Variants in TGM4 observed in about 807,000 individuals in gnomAD.
TGM4 encodes protein-glutamine gamma-glutamyltransferase 4.
A neutral mutation model predicts 76.3 loss-of-function variants in TGM4; 61 were observed. The observed-to-expected ratio is 0.80, with a 90% confidence interval of 0.65 to 0.99. The LOEUF (loss-of-function observed/expected upper bound fraction) is 0.99. Among genes scored for constraint, TGM4 ranks in the 50% least tolerant of loss-of-function variants. The pLI is 0.00. For missense variants in TGM4, 794 were observed against 843.2 expected (o/e 0.94, Z 0.72); for synonymous variants, 337 against 329.8 (o/e 1.02, Z -0.24).
At chr3:44,899,696 C>T (rs959387154) in intron 6 of TGM4, 1 of 152,272 alleles carries the variant, frequency 6.6e-6, no homozygotes, top group Admixed American at 6.5e-5. Flanking sequence ...TACCCCAAGA[C>T]ACTGTGGCTG....
At position 44,910,184 on chromosome 3, in the gene TGM4, CAT is replaced by C; in HGVS notation, c.1423_1424del (p.Met475ValfsTer6). 1 of 1,614,208 alleles carries C rather than the reference CAT, an allele frequency of 6.2e-7. No individual in the cohort carries two copies. The highest frequency in any genetic ancestry group is 8.5e-7 in the Non-Finnish European group (1 of 1,180,040). On this transcript the variant is annotated frameshift_variant, in exon 11 of 14. Transcript: ENST00000296125. LOFTEE classifies it high-confidence loss of function. ...GACCTGTAAAAGAGAACTTTCTTCA[CAT>C]GTCGGTACAATCAGATGATGTGCTG... Reference protein sequence around the residue: ...RRPVKENFLHMSVQSDDVLLG... With the variant: ...RRPVKENFLHXSVQSDDVLLG...
chr3:44,911,289 T>C lies in TGM4; in HGVS notation c.1796T>C (p.Ile599Thr). The stretch of plus-strand genomic sequence containing the variant: ...CTACAGTTGCCTAACACAGGCAGAA[T>C]TGGCCAGCTACTTGTCTGCAATTGT... ...FSIELPNTGRIGQLLVCNCIF... is the reference protein window; with the variant it reads ...FSIELPNTGRTGQLLVCNCIF... Residue 599 changes from isoleucine (I) to threonine (T), a missense_variant, in exon 13 of 14, where the codon ATT (isoleucine) becomes ACT (threonine). Ile to Thr is a moderately conservative substitution (Grantham distance 89). Coordinates refer to ENST00000296125, the MANE Select transcript of TGM4 (RefSeq NM_003241.4). 3 of 1,614,242 alleles carry C rather than the reference T, an allele frequency of 1.9e-6. No individual in the cohort carries two copies. The highest frequency in any genetic ancestry group is 2.5e-6 in the Non-Finnish European group (3 of 1,180,050).
intron 4 of TGM4, among the ~76,000 whole-genome samples, chr3:44,892,362 ATT>A (rs200539240): frequency 3.7e-4 from 49 of 131,570 alleles, no homozygotes; most frequent in East Asian, 2.3e-3. Flanking sequence ...TTTTTTTTTA[ATT>A]TTTTTTTTTT....
At position 44,913,610 on chromosome 3, in the gene TGM4, A is replaced by G; in HGVS notation, c.1940A>G (p.Gln647Arg). The G allele has an allele frequency of 6.2e-7, 1 of 1,614,180 alleles. No individual in the cohort carries two copies. The highest frequency in any genetic ancestry group is 8.5e-7 in the Non-Finnish European group (1 of 1,180,012). Residue 647 changes from glutamine (Q) to arginine (R), a missense_variant, in exon 14 of 14, where the codon CAA (glutamine) becomes CGA (arginine). Coordinates refer to ENST00000296125, the MANE Select transcript of TGM4 (RefSeq NM_003241.4). The stretch of plus-strand genomic sequence containing the variant: ...ACGGTGCAGCCTGGTGAGACCATCC[A>G]ATCCCAAATAAAATGCACCCCAATA... ...HGTVQPGETIQSQIKCTPIKT... is the reference protein window; with the variant it reads ...HGTVQPGETIRSQIKCTPIKT...
intron 13 of TGM4, 33 bp downstream of exon 13, chr3:44,911,439 C>T (rs1700004355): frequency 6.2e-7 from 1 of 1,611,038 alleles, no homozygotes; most frequent in South Asian, 1.1e-5. Context: ...TAGAAATATG[C>T]TTCTGGACAT....
At chr3:44,887,174 G>C (rs1451196238) in intron 2 of TGM4, among the ~76,000 whole-genome samples, 2 of 152,236 alleles carry the variant, frequency 1.3e-5, no homozygotes, top group Admixed American at 6.5e-5. Context: ...CCACCTGTGG[G>C]CTATGGAAAG....
At chr3:44,913,479 G>A in intron 13 of TGM4, 105 bp from the exon 14 acceptor site, 1 of 1,429,958 alleles carries the variant, frequency 7.0e-7, no homozygotes, top group Non-Finnish European at 9.4e-7. Flanking sequence ...TTTCAAAGAG[G>A]CTGAGCTAAG....
chr3:44,905,833 C>CA (rs1344344512), intron 9 of TGM4, among the ~76,000 whole-genome samples: 2 of 102,036 alleles, frequency 2.0e-5, no homozygotes, highest in East Asian at 9.5e-4. Context: ...TATGCCCACA[C>CA]CCCCGCATAC....
intron 3 of TGM4, 140 bp from the exon 4 acceptor site, chr3:44,890,463 G>T: frequency 1.6e-6 from 2 of 1,230,118 alleles, no homozygotes; most frequent in Non-Finnish European, 1.1e-6. Flanking sequence ...GGCTGTCCAG[G>T]GTCCTGACCA....
At chr3:44,880,112 C>T (rs1201708079) in intron 1 of TGM4, among the ~76,000 whole-genome samples, 2 of 152,126 alleles carry the variant, frequency 1.3e-5, no homozygotes, top group East Asian at 1.9e-4. Flanking sequence ...AGTCTATATA[C>T]GTTATTTTAT....
chr3:44,885,295 C>G (rs368559848), intron 1 of TGM4, 30 bp from the exon 2 acceptor site: 5 of 1,575,936 alleles, frequency 3.2e-6, no homozygotes, highest in Non-Finnish European at 4.3e-6. Flanking sequence ...TCTCTGTGCT[C>G]TCTTTCCACA....
At chr3:44,900,643 C>T (rs995133087) in intron 6 of TGM4, among the ~76,000 whole-genome samples, 3 of 152,112 alleles carry the variant, frequency 2.0e-5, no homozygotes, top group Non-Finnish European at 2.9e-5. Context: ...AGTGTGCAGG[C>T]CAGGAGGGGA....
chr3:44,912,718 T>C (rs1700020908), intron 13 of TGM4, among the ~76,000 whole-genome samples: 1 of 152,226 alleles, frequency 6.6e-6, no homozygotes, highest in African/African-American at 2.4e-5. Context: ...CATCTAGGAA[T>C]ATGAGATTTT....
intron 8 of TGM4, among the ~76,000 whole-genome samples, chr3:44,902,664 C>T (rs1026136485): frequency 4.6e-5 from 2 of 43,878 alleles, no homozygotes; most frequent in Non-Finnish European, 8.8e-5. Context: ...GAGCTTTTGC[C>T]TCTACAGGGG....
At chr3:44,893,171 C>T (rs527633942) in intron 4 of TGM4, among the ~76,000 whole-genome samples, 1 of 152,324 alleles carries the variant, frequency 6.6e-6, no homozygotes, top group East Asian at 1.9e-4. Context: ...CCATTCTTCA[C>T]TGTGATGGTT....
Position 44,885,476 on chromosome 3 carries a change from A to G in TGM4, c.171A>G (p.Gln57=), listed in dbSNP as rs1480305430. The change falls in exon 2 of 14, where the codon CAA becomes CAG. Residue 57 remains glutamine, a synonymous_variant. Transcript: ENST00000296125. ...ACCAGCCCCTACAATCCTACCACCA[A>G]CTGAAACTGGAATTCAGCACAGGTG... is the stretch of plus-strand genomic sequence containing the variant. The part of the protein sequence containing the change: ...VLNQPLQSYH[Q]LKLEFSTGPN... 2 of 1,611,662 alleles carry G rather than the reference A, an allele frequency of 1.2e-6. No individual in the cohort carries two copies. The highest frequency in any genetic ancestry group is 2.2e-5 in the East Asian group (1 of 44,846).
intron 3 of TGM4, among the ~76,000 whole-genome samples, chr3:44,889,454 C>T (rs1253553295): frequency 6.6e-6 from 1 of 152,050 alleles, no homozygotes; most frequent in East Asian, 1.9e-4. Context: ...ATCAGATGCC[C>T]ATGCTAGAAG....
chr3:44,880,447 CA>C (rs1162246753), intron 1 of TGM4, among the ~76,000 whole-genome samples: 1 of 152,186 alleles, frequency 6.6e-6, no homozygotes, highest in Non-Finnish European at 1.5e-5. Context: ...ATGCATTCTG[CA>C]GGGGCTGTGC....
In TGM4 at chr3:44,901,657, G is replaced by T; in HGVS notation, c.791G>T (p.Cys264Phe). The change falls in exon 7 of 14, where the codon TGC becomes TTC. Residue 264 changes from cysteine to phenylalanine, a missense_variant. By Grantham distance (205) the Cys-to-Phe change is radical (BLOSUM62 -2). Transcript: ENST00000296125. ...TACTACAACACGAAGCAGGCTGTGT[G>T]CTTTGGCCAGTGCTGGGTGTTTGCT... ...QQYYNTKQAV[C>F]FGQCWVFAGI... The T allele has an allele frequency of 6.2e-7, 1 of 1,614,236 alleles. No homozygotes were observed. Among genetic ancestry groups the T allele is most frequent in the Non-Finnish European group, 8.5e-7 (1 of 1,180,040 alleles).
Sources: allele counts gnomAD v4.1 joint callset (sites outside exome capture counted in the v4.1 genomes callset), GRCh38; gene constraint gnomAD v4.1.1; transcripts MANE v1.5; gene names NCBI Gene and HGNC (gene_info 2026-07-23, HGNC 2026-07-21).